The following PDE3B variants were observed in gnomAD, a reference collection of about 807,000 sequenced individuals.
The protein encoded by PDE3B is cGMP-inhibited 3',5'-cyclic phosphodiesterase 3B.
In PDE3B, 66 loss-of-function variants were observed where a neutral mutation model predicts 116.8. The observed-to-expected ratio is 0.56, with a 90% CI of 0.46 to 0.69. The LOEUF (loss-of-function observed/expected upper bound fraction) is 0.69, where lower values mean the gene tolerates loss of function less well. Among genes scored for constraint, PDE3B ranks in the 30% least tolerant of loss-of-function variants. The pLI is 0.00. For synonymous variants in PDE3B, 595 were observed against 533.6 expected, an observed-to-expected ratio of 1.12 and a Z score of -1.59; for missense variants, 1,384 against 1,368.1, an observed-to-expected ratio of 1.01 and a Z score of -0.18.
chr11:14,658,950 G>A (rs984779041), intron 1 of PDE3B, among the ~76,000 whole-genome samples: 11 of 152,040 alleles, frequency 7.2e-5, no homozygotes, highest in Non-Finnish European at 1.5e-4. Flanking sequence ...ATTAAATACT[G>A]TTTTTTTAAA....
chr11:14,696,560 T>C (rs1046373235), intron 1 of PDE3B, among the ~76,000 whole-genome samples: 4 of 152,172 alleles, frequency 2.6e-5, no homozygotes, highest in Non-Finnish European at 5.9e-5. Context: ...AGTGCTTCTA[T>C]ATATGTTGAC....
intron 1 of PDE3B, among the ~76,000 whole-genome samples, chr11:14,680,070 C>A (rs533914468): frequency 6.6e-6 from 1 of 152,166 alleles, no homozygotes; most frequent in Non-Finnish European, 1.5e-5. Context: ...ACATGCAAAG[C>A]GGCACTGGTG....
chr11:14,815,420 GT>G, intron 5 of PDE3B, among the ~76,000 whole-genome samples: 1 of 152,224 alleles, frequency 6.6e-6, no homozygotes, highest in East Asian at 1.9e-4. Context: ...GCTCATTCAG[GT>G]TGTCCTCAGG....
intron 1 of PDE3B, among the ~76,000 whole-genome samples, chr11:14,653,025 C>A (rs1413053145): frequency 1.3e-5 from 2 of 152,152 alleles, no homozygotes; most frequent in African/African-American, 4.8e-5. Context: ...GCATTTTATT[C>A]TTTTCAATGC....
intron 1 of PDE3B, among the ~76,000 whole-genome samples, chr11:14,662,180 T>A (rs1159664563): frequency 6.6e-6 from 1 of 152,318 alleles, no homozygotes; most frequent in Admixed American, 6.5e-5. Flanking sequence ...CCACCGCTGC[T>A]GTTACCCAGG....
At position 14,644,784 on chromosome 11, in the gene PDE3B, C is replaced by T. The variant is rs373602584; in HGVS notation, c.709C>T (p.Leu237Phe). Residue 237 changes from leucine (L) to phenylalanine (F), a missense_variant, in exon 1 of 16, where the codon CTC (leucine) becomes TTC (phenylalanine). Physicochemically the swap from Leu to Phe is conservative, Grantham distance 22 (BLOSUM62 0). Coordinates refer to ENST00000282096, the MANE Select transcript of PDE3B (RefSeq NM_000922.4). ...CGTCTGGTGGGTCTCCTTCACCAGC[C>T]TCGGGTCGCTGCCCTCCGCCCTCAG... ...SFVWWVSFTS[L>F]GSLPSALRPL... is the part of the protein sequence containing the mutation. 4.8e-5 allele frequency: 77 copies of T among 1,609,544 alleles called. No individual in the cohort carries two copies. Among genetic ancestry groups the T allele is most frequent in the Non-Finnish European group, 6.0e-5 (71 of 1,178,236 alleles).
chr11:14,662,171 C>T (rs1209806799), intron 1 of PDE3B, among the ~76,000 whole-genome samples: 2 of 152,188 alleles, frequency 1.3e-5, no homozygotes, highest in Non-Finnish European at 2.9e-5. Context: ...GTTCTGCAGC[C>T]ACCGCTGCTG....
In PDE3B at chr11:14,693,071, G is replaced by A. The variant is rs1476080192; in HGVS notation, c.978+48018G>A. Among the ~76,000 whole-genome samples, 4 of 152,320 alleles carry A rather than the reference G, an allele frequency of 2.6e-5. No homozygotes were observed. The South Asian group carries it at 8.3e-4, about 32-fold the overall frequency. ...CGGAGAAGTTCGAGTGGTCTGGATA[G>A]AAAATCAAACCAGTCAGAACATTTC... On this transcript the variant is annotated intron_variant, in intron 1 of 15. Coordinates refer to ENST00000282096, the MANE Select transcript of PDE3B (RefSeq NM_000922.4).
intron 14 of PDE3B, 58 bp downstream of exon 14, chr11:14,861,424 T>A (rs1847948632): frequency 3.3e-6 from 5 of 1,497,246 alleles, no homozygotes; most frequent in Non-Finnish European, 3.7e-6. Context: ...AAGACACTAC[T>A]CTTTGGGTTT....
intron 2 of PDE3B, among the ~76,000 whole-genome samples, chr11:14,778,256 GA>G (rs2133905219): frequency 6.6e-6 from 1 of 152,246 alleles, no homozygotes; most frequent in East Asian, 1.9e-4. Flanking sequence ...ATAGCTGAAC[GA>G]AAGGCAGCAA....
At chr11:14,843,756 C>A (rs1847523251) in intron 11 of PDE3B, 71 bp from the exon 12 acceptor site, 1 of 1,139,798 alleles carries the variant, frequency 8.8e-7, no homozygotes, top group Non-Finnish European at 1.3e-6. Flanking sequence ...CTATGAGAAT[C>A]CCCTCCATAG....
At chr11:14,873,418 G>C (rs1848163078), downstream of PDE3B, among the ~76,000 whole-genome samples, 1 of 152,146 alleles carries the variant, frequency 6.6e-6, no homozygotes, top group South Asian at 2.1e-4. Context: ...ATATTGACTG[G>C]AATAGATTGT....
intron 1 of PDE3B, among the ~76,000 whole-genome samples, chr11:14,742,156 T>C (rs1163434516): frequency 6.6e-6 from 1 of 152,232 alleles, no homozygotes; most frequent in African/African-American, 2.4e-5. Flanking sequence ...GTTCAGGAAG[T>C]TCTCCTGGAT....
chr11:14,722,406 A>T (rs1180574922), intron 1 of PDE3B, among the ~76,000 whole-genome samples: 1 of 152,186 alleles, frequency 6.6e-6, no homozygotes, highest in African/African-American at 2.4e-5. Flanking sequence ...AAAAAAAATA[A>T]ATCCAATAAA....
intron 1 of PDE3B, among the ~76,000 whole-genome samples, chr11:14,762,471 G>A (rs1857388608): frequency 6.6e-6 from 1 of 152,190 alleles, no homozygotes; most frequent in Non-Finnish European, 1.5e-5. Context: ...GCCTGTTCAA[G>A]GAATAGTAAA....
chr11:14,701,209 G>C (rs1855351165), intron 1 of PDE3B, among the ~76,000 whole-genome samples: 1 of 151,628 alleles, frequency 6.6e-6, no homozygotes, highest in Admixed American at 6.6e-5. Context: ...GTTTGCATCA[G>C]CATGAATTAA....
intron 12 of PDE3B, among the ~76,000 whole-genome samples, chr11:14,846,237 C>G (rs1229095261): frequency 2.0e-5 from 3 of 152,070 alleles, no homozygotes; most frequent in African/African-American, 7.2e-5. Context: ...TCCAGCCAAA[C>G]TAAGCTTCAT....
chr11:14,794,366 G>A (rs1315261287), intron 4 of PDE3B, among the ~76,000 whole-genome samples: 2 of 150,646 alleles, frequency 1.3e-5, no homozygotes, highest in African/African-American at 2.4e-5. Context: ...GCCCAGGCTG[G>A]AGTGCAGTGG....
At chr11:14,686,762 G>A (rs1329920361) in intron 1 of PDE3B, among the ~76,000 whole-genome samples, 1 of 151,842 alleles carries the variant, frequency 6.6e-6, no homozygotes, top group African/African-American at 2.4e-5. Context: ...CGCCCAAGCT[G>A]GAGTGCAGTG....
Sources: gnomAD v4.1 joint callset for allele counts (sites outside exome capture counted in the v4.1 genomes callset) on GRCh38, gnomAD v4.1.1 for gene constraint, MANE v1.5 for transcripts, NCBI Gene and HGNC (gene_info 2026-07-23, HGNC 2026-07-21) for gene names.